Variants in OR51B5 observed in about 807,000 individuals in gnomAD.
OR51B5 encodes the protein olfactory receptor family 51 subfamily B member 5, also known as olfactory receptor 51B5.
For synonymous variants in OR51B5, 186 were observed against 144.8 expected (o/e 1.28, Z -2.04); for missense variants, 456 against 374.6 (o/e 1.22, Z -1.79).
chr11:5,390,646 A>G (rs934581585), intron 1 of OR51B5: 4 of 393,596 alleles, frequency 1.0e-5, no homozygotes, highest in Non-Finnish European at 9.0e-6. Flanking sequence ...GTCATCATCA[A>G]TGTAACTAAA....
intron 1 of OR51B5, among the ~76,000 whole-genome samples, chr11:5,442,239 TA>T (rs1234450000): frequency 3.3e-5 from 5 of 152,168 alleles, no homozygotes; most frequent in Non-Finnish European, 5.9e-5. Context: ...TCAAACCAGG[TA>T]TGCAGCTGGA....
intron 1 of OR51B5, among the ~76,000 whole-genome samples, chr11:5,419,430 G>C (rs191762862): frequency 4.7e-4 from 71 of 152,126 alleles, no homozygotes; most frequent in Middle Eastern, 3.4e-3. Flanking sequence ...ACCAATCTTG[G>C]GTCAAAAGTA....
chr11:5,342,906 G>A (rs140365125), exon 1 of OR51B5: 5 of 1,613,672 alleles, frequency 3.1e-6, no homozygotes, highest in Non-Finnish European at 3.4e-6. Context: ...AGATAATCCA[G>A]CACAAATATA....
intron 1 of OR51B5, among the ~76,000 whole-genome samples, chr11:5,413,313 A>C (rs999945350): frequency 6.6e-6 from 1 of 152,148 alleles, no homozygotes; most frequent in African/African-American, 2.4e-5. Context: ...GACCAAAAGT[A>C]GATAAAACCA....
intron 1 of OR51B5, among the ~76,000 whole-genome samples, chr11:5,356,066 T>A (rs765804995): frequency 6.6e-6 from 1 of 151,812 alleles, no homozygotes; most frequent in African/African-American, 2.4e-5. Flanking sequence ...AAAATCAGAG[T>A]GCCTCTCCTC....
chr11:5,395,143 T>C (rs1849848654), intron 1 of OR51B5, among the ~76,000 whole-genome samples: 1 of 152,200 alleles, frequency 6.6e-6, no homozygotes, highest in South Asian at 2.1e-4. Flanking sequence ...TCTAGGAGGA[T>C]GCTAATCCCT....
intron 1 of OR51B5, among the ~76,000 whole-genome samples, chr11:5,451,496 T>C (rs1850847852): frequency 1.3e-5 from 2 of 152,318 alleles, no homozygotes. Context: ...GACACAAGCA[T>C]ATGCAGACTG....
chr11:5,388,815 G>A (rs1849743619), intron 1 of OR51B5, among the ~76,000 whole-genome samples: 1 of 152,056 alleles, frequency 6.6e-6, no homozygotes, highest in South Asian at 2.1e-4. Context: ...TAGCATCAAT[G>A]AAGGTGACGG....
At position 5,367,715 on chromosome 11, in the gene OR51B5, C is replaced by T. The variant is rs577081867; in HGVS notation, n.85-20805G>A. The stretch of plus-strand genomic sequence containing the variant: ...GGGAATACAGCCCAGTAGGTCTCAG[C>T]CTTATTGTACCCAGCTCCTATTTAA... On this transcript the variant is annotated intron_variant and non_coding_transcript_variant, in intron 1 of 4. Transcript: ENST00000415970. Among the ~76,000 whole-genome samples, 6 of 152,258 alleles carry T rather than the reference C, an allele frequency of 3.9e-5. No homozygotes were observed. The South Asian group carries it at 1.2e-3, about 32-fold the overall frequency.
chr11:5,470,491 A>G (rs1368494255), intron 1 of OR51B5, among the ~76,000 whole-genome samples: 3 of 152,166 alleles, frequency 2.0e-5, no homozygotes, highest in Non-Finnish European at 2.9e-5. Flanking sequence ...CTGTGCCTCA[A>G]TTATCCCAAA....
chr11:5,457,163 C>T (rs1005444914), intron 1 of OR51B5, among the ~76,000 whole-genome samples: 1 of 152,194 alleles, frequency 6.6e-6, no homozygotes, highest in Non-Finnish European at 1.5e-5. Context: ...GCCTGAGTGT[C>T]TGCTGTTCCT....
At chr11:5,354,953 C>A (rs1849164927) in intron 1 of OR51B5, 1 of 164,360 alleles carries the variant, frequency 6.1e-6, no homozygotes, top group Non-Finnish European at 1.3e-5. Flanking sequence ...CTGGATTGGT[C>A]TGGGCAGGAA....
chr11:5,440,742 A>T, intron 1 of OR51B5: 1 of 1,614,008 alleles, frequency 6.2e-7, no homozygotes, highest in Non-Finnish European at 8.5e-7. Context: ...GGAGACAGCA[A>T]TTATGGGCAC....
intron 1 of OR51B5, among the ~76,000 whole-genome samples, chr11:5,475,407 G>A (rs1851288196): frequency 6.6e-6 from 1 of 151,978 alleles, no homozygotes; most frequent in Admixed American, 6.6e-5. Context: ...CCAACCTCAA[G>A]GCCTTAACAA....
chr11:5,386,721 G>GA (rs1564795985), intron 1 of OR51B5, among the ~76,000 whole-genome samples: 1 of 151,900 alleles, frequency 6.6e-6, no homozygotes, highest in Non-Finnish European at 1.5e-5. Context: ...AGCAGGTGTG[G>GA]AAAAGCTAAG....
At chr11:5,418,957 T>C (rs1467827830) in intron 1 of OR51B5, among the ~76,000 whole-genome samples, 1 of 151,956 alleles carries the variant, frequency 6.6e-6, no homozygotes, top group Non-Finnish European at 1.5e-5. Flanking sequence ...TTTCTTGATA[T>C]CGGTAATAGG....
exon 1 of OR51B5, chr11:5,343,376 T>G: frequency 6.2e-7 from 1 of 1,613,916 alleles, no homozygotes. Context: ...AAGATTGTGA[T>G]CTTCCTTAAT....
At chr11:5,348,232 A>G (rs895097550), upstream of OR51B5, among the ~76,000 whole-genome samples, 4 of 152,068 alleles carry the variant, frequency 2.6e-5, no homozygotes, top group African/African-American at 4.8e-5. Flanking sequence ...TCTGGAACAC[A>G]TAAGGCAAAC....
intron 1 of OR51B5, among the ~76,000 whole-genome samples, chr11:5,480,568 A>G (rs1851402508): frequency 6.6e-6 from 1 of 151,928 alleles, no homozygotes. Context: ...TGAATCCAGG[A>G]GCTGGTTTTT....
Sources: allele counts gnomAD v4.1 joint callset (sites outside exome capture counted in the v4.1 genomes callset), GRCh38; gene constraint gnomAD v4.1.1; transcripts MANE v1.5; gene names NCBI Gene and HGNC (gene_info 2026-07-23, HGNC 2026-07-21).